Variants in MGAT5B observed in about 807,000 individuals in gnomAD.
The protein encoded by MGAT5B is alpha-1,6-mannosylglycoprotein 6-beta-N-acetylglucosaminyltransferase B.
MGAT5B carries 54 observed loss-of-function variants against 95.1 expected under a neutral mutation model. The ratio of observed to expected loss-of-function variants is 0.57; its 90% CI spans 0.46 to 0.71. The LOEUF is 0.71. MGAT5B is among the 30% of genes least tolerant of loss of function. The probability of loss-of-function intolerance (pLI) is 0.00; values close to 1 mark genes in which losing one functional copy is unlikely to be tolerated. For synonymous variants in MGAT5B, 464 were observed against 451.0 expected (o/e 1.03, Z -0.36); for missense variants, 935 against 1,088.6 (o/e 0.86, Z 1.99).
intron 12 of MGAT5B, among the ~76,000 whole-genome samples, chr17:76,935,791 CAT>C (rs1157853616): frequency 1.4e-5 from 2 of 141,214 alleles, no homozygotes; most frequent in African/African-American, 2.6e-5. Context: ...TCTTTTTAAA[CAT>C]ATATATATTA....
In MGAT5B at chr17:76,948,548, G is replaced by A. The variant is rs1397009023; in HGVS notation, c.2181-92G>A. The A allele has an allele frequency of 2.2e-5, 28 of 1,292,596 alleles. No homozygotes were observed. The East Asian group carries it at 6.2e-4, about 29-fold the overall frequency. The allele number at this position is 1,292,596 out of a possible 1,614,324, so 80.1% of individuals were successfully genotyped here. ...GGGATGGGCCAGAGAAGGGGAGCAG[G>A]CAGGACTAGGCTGGGGGCAGCCCCT... On this transcript the variant is annotated intron_variant, in intron 17 of 17. Transcript: ENST00000569840.
intron 10 of MGAT5B, among the ~76,000 whole-genome samples, chr17:76,932,257 C>T (rs888730373): frequency 6.6e-6 from 1 of 151,950 alleles, no homozygotes; most frequent in African/African-American, 2.4e-5. Context: ...CTCAGCCTCT[C>T]GAGTGTCTGG....
At chr17:76,939,016 A>C (rs952012529) in intron 13 of MGAT5B, among the ~76,000 whole-genome samples, 2 of 128,678 alleles carry the variant, frequency 1.6e-5, no homozygotes, top group African/African-American at 2.9e-5. Context: ...CTTGTTTCCC[A>C]AGGCATCTTG....
chr17:76,902,702 C>A, intron 4 of MGAT5B, 32 bp downstream of exon 4: 1 of 1,488,160 alleles, frequency 6.7e-7, no homozygotes, highest in Non-Finnish European at 9.2e-7. Context: ...TACCCTCTAC[C>A]CCTAGGGGGC....
chr17:76,882,807 T>C (rs628296), intron 3 of MGAT5B, among the ~76,000 whole-genome samples: 70,315 of 147,360 alleles, frequency 0.48, 21,417 homozygotes, highest in African/African-American at 0.84. Context: ...CTCTGTCTCC[T>C]GGGTTCAAGC....
rs1967890249 is a variant in MGAT5B at position 76,892,081 on chromosome 17, C to A, written c.329+9783C>A. Among the ~76,000 whole-genome samples the A allele has an allele frequency of 1.3e-5, 2 of 152,206 alleles. 1 individual carries two copies. The highest frequency in any genetic ancestry group is 4.1e-4 in the South Asian group (2 of 4,826). ...TCTCTTTTTGAGACAGGGTCTCACT[C>A]TGTTGCCCAACCTGGAGTGCAGTGG... On this transcript the variant is annotated intron_variant, in intron 3 of 17. Transcript: ENST00000569840.
chr17:76,934,656 G>C (rs555870422), intron 12 of MGAT5B, among the ~76,000 whole-genome samples: 17 of 152,320 alleles, frequency 1.1e-4, no homozygotes, highest in Admixed American at 9.8e-4. Flanking sequence ...ATCAGAAAAT[G>C]CTGTTAAGAA....
chr17:76,927,221 A>G (rs1193666956), intron 10 of MGAT5B, among the ~76,000 whole-genome samples: 2 of 151,238 alleles, frequency 1.3e-5, no homozygotes, highest in Non-Finnish European at 3.0e-5. Context: ...ACGTGAGTGG[A>G]GCTGGGCTTC....
At chr17:76,935,605 C>CTTT (rs61424892) in intron 12 of MGAT5B, among the ~76,000 whole-genome samples, 152 of 113,334 alleles carry the variant, frequency 1.3e-3, no homozygotes, top group Middle Eastern at 0.01. Context: ...TTCCATATAT[C>CTTT]TTTTTTTTTT....
In MGAT5B at chr17:76,916,507, T is replaced by C. The variant is rs576237865; in HGVS notation, c.1026-8459T>C. 8.9e-4 allele frequency among the ~76,000 whole-genome samples: 135 copies of C among 152,176 alleles called. 1 individual carries two copies. The highest frequency in any genetic ancestry group is 3.0e-3 in the African/African-American group (126 of 41,524). Reference sequence around the variant, plus strand: ...GAACTTGGGGAGATCAGATAAGAAATGAGGACAGACCAGGCCCTCGGCTCA... The same window carrying C: ...GAACTTGGGGAGATCAGATAAGAAACGAGGACAGACCAGGCCCTCGGCTCA... On this transcript the variant is annotated intron_variant, in intron 8 of 17. Transcript: ENST00000569840. This position sits in a 1 kb window ranked among gnomAD's most constrained non-coding sequence, Gnocchi z 5.3.
chr17:76,904,937 A>G (rs1467171502), intron 6 of MGAT5B, among the ~76,000 whole-genome samples: 1 of 151,882 alleles, frequency 6.6e-6, no homozygotes, highest in African/African-American at 2.4e-5. Context: ...ATGGTTGGCC[A>G]CCTCCGTGGA....
In MGAT5B at chr17:76,868,681, C is replaced by A. The variant is rs1300384413; in HGVS notation, c.-349C>A. Reference sequence around the variant, plus strand: ...GATGAGGGCGCCCGCCGCGGGGAGCCCGTCTGCGCGCCGCGGCACCTTCCC... The same window carrying A: ...GATGAGGGCGCCCGCCGCGGGGAGCACGTCTGCGCGCCGCGGCACCTTCCC... On this transcript the variant is annotated 5_prime_UTR_variant, in exon 1 of 18. Coordinates refer to ENST00000569840, the MANE Select transcript of MGAT5B (RefSeq NM_001199172.2). The surrounding 1 kb of genome is among the most constrained non-coding windows in gnomAD (Gnocchi z 6.3). 6.6e-6 allele frequency: 1 copy of A among 150,874 alleles called. No homozygotes were observed. The highest frequency in any genetic ancestry group is 2.4e-5 in the African/African-American group (1 of 41,162). 9.3% of individuals were successfully genotyped at this position (150,874 alleles called of 1,614,324 possible).
intron 8 of MGAT5B, among the ~76,000 whole-genome samples, chr17:76,908,834 T>G (rs1968629415): frequency 1.3e-5 from 2 of 149,084 alleles, no homozygotes. Context: ...TGAGATGGAG[T>G]CTCACTCTGT....
intron 8 of MGAT5B, chr17:76,923,979 G>C (rs1235119088): frequency 6.6e-6 from 1 of 152,174 alleles, no homozygotes; most frequent in East Asian, 1.9e-4. Context: ...AGACTTAACT[G>C]AATGAATAAG....
At chr17:76,935,879 TTATATATTATATAATTA>T (rs1567822944) in intron 12 of MGAT5B, among the ~76,000 whole-genome samples, 2 of 123,470 alleles carry the variant, frequency 1.6e-5, no homozygotes, top group East Asian at 2.2e-4. Context: ...ATTATATATA[TTATATATTATATAATTA>T]TATATACATT....
At chr17:76,898,841 C>T (rs1262065362) in intron 3 of MGAT5B, among the ~76,000 whole-genome samples, 3 of 152,210 alleles carry the variant, frequency 2.0e-5, no homozygotes, top group African/African-American at 7.2e-5. Flanking sequence ...CATAAGGCCA[C>T]ATTCTGAAGT....
chr17:76,946,384 C>A lies in MGAT5B; in HGVS notation c.1857C>A (p.Pro619=), dbSNP rs1382915309. 1 of 1,607,964 alleles carries A rather than the reference C, an allele frequency of 6.2e-7. No homozygotes were observed. ...GCCCATCCCTCCCACAGGTAGACCC[C>A]TACCTACCCTACGAGTACACCTGCG... is the stretch of plus-strand genomic sequence containing the variant. ...IKAIMRTQVD[P]YLPYEYTCEG... Residue 619 remains proline (P), a synonymous_variant, in exon 16 of 18, where the codon CCC becomes CCA. Transcript: ENST00000569840.
At chr17:76,904,528 G>T in intron 6 of MGAT5B, 106 bp downstream of exon 6, 1 of 1,318,866 alleles carries the variant, frequency 7.6e-7, no homozygotes, top group Non-Finnish European at 1.0e-6. Context: ...TGAGCTGCTT[G>T]CCAGGTGTGT....
intron 12 of MGAT5B, among the ~76,000 whole-genome samples, chr17:76,935,846 T>C (rs925675175): frequency 1.2e-5 from 1 of 81,596 alleles, no homozygotes; most frequent in Non-Finnish European, 2.6e-5. Flanking sequence ...ATATACATTA[T>C]ATATACTATA....
Sources: gnomAD v4.1 joint callset for allele counts (sites outside exome capture counted in the v4.1 genomes callset) on GRCh38, gnomAD v4.1.1 for gene constraint, Gnocchi (gnomAD v3.1) non-coding constraint, MANE v1.5 for transcripts, NCBI Gene and HGNC (gene_info 2026-07-23, HGNC 2026-07-21) for gene names.